The following TUBA1A variants were observed in gnomAD, a reference collection of about 807,000 sequenced individuals.
The protein encoded by TUBA1A is tubulin alpha 1a.
TUBA1A carries 7 observed loss-of-function variants against 34.6 expected under a neutral mutation model. The observed-to-expected ratio is 0.20, with a 90% CI of 0.11 to 0.38. The LOEUF (loss-of-function observed/expected upper bound fraction) is 0.38, where lower values mean the gene tolerates loss of function less well. TUBA1A is among the 10% of genes least tolerant of loss of function. TUBA1A has a pLI of 1.00. For synonymous variants in TUBA1A, 193 were observed against 210.2 expected, an observed-to-expected ratio of 0.92 and a Z score of 0.71; for missense variants, 19 against 581.3, an observed-to-expected ratio of 0.03 and a Z score of 9.95.
chr12:49,188,146 A>T lies in TUBA1A; in HGVS notation c.3+831T>A. 5 of 984,908 alleles carry T rather than the reference A, an allele frequency of 5.1e-6. No homozygotes were observed. The highest frequency in any genetic ancestry group is 6.0e-6 in the Non-Finnish European group (5 of 829,852). The allele number at this position is 984,908 out of a possible 1,614,324, so 61.0% of individuals were successfully genotyped here. A position where few individuals can be genotyped will look rare whatever the true frequency, so the allele number is the denominator to read the frequency against. On this transcript the variant is annotated intron_variant, in intron 1 of 3. Transcript: ENST00000301071. This position sits in a 1 kb window ranked among gnomAD's most constrained non-coding sequence, Gnocchi z 4.9. The stretch of plus-strand genomic sequence containing the variant: ...GGTCAGGGCAGGGCGTCCCCAGACC[A>T]GACATTAAAGAGCTTGTGAAGTGAA...
chr12:49,187,539 A>G (rs1177181870), intron 1 of TUBA1A: 10 of 985,404 alleles, frequency 1.0e-5, no homozygotes, highest in Non-Finnish European at 9.6e-6. Context: ...GATGCACTGG[A>G]ACAAAAGACA....
Position 49,188,030 on chromosome 12 carries a change from A to T in TUBA1A, c.3+947T>A, listed in dbSNP as rs1376621594. The T allele has an allele frequency of 1.0e-6, 1 of 961,612 alleles. No individual in the cohort carries two copies. Among genetic ancestry groups the T allele is most frequent in the Non-Finnish European group, 1.2e-6 (1 of 811,168 alleles). 59.6% of individuals were successfully genotyped at this position (961,612 alleles called of 1,614,324 possible). A position where few individuals can be genotyped will look rare whatever the true frequency, so the allele number is the denominator to read the frequency against. On this transcript the variant is annotated intron_variant, in intron 1 of 3. Transcript: ENST00000301071. The surrounding 1 kb of genome is among the most constrained non-coding windows in gnomAD (Gnocchi z 4.9). ...AGTCCAGACAGACAGACAGACACAC[A>T]CACACACACACACACACTTCAGTCG...
rs1175802950 is a variant in TUBA1A at position 49,188,135 on chromosome 12, G to T, written c.3+842C>A. 3.1e-6 allele frequency: 3 copies of T among 983,212 alleles called. No individual in the cohort carries two copies. The highest frequency in any genetic ancestry group is 3.6e-6 in the Non-Finnish European group (3 of 829,718). The allele number at this position is 983,212 out of a possible 1,614,324, so 60.9% of individuals were successfully genotyped here. ...ACACTTCAGTCGGTCAGGGCAGGGC[G>T]TCCCCAGACCAGACATTAAAGAGCT... is the stretch of plus-strand genomic sequence containing the variant. On this transcript the variant is annotated intron_variant, in intron 1 of 3. Coordinates refer to ENST00000301071, the MANE Select transcript of TUBA1A (RefSeq NM_006009.4). This position sits in a 1 kb window ranked among gnomAD's most constrained non-coding sequence, Gnocchi z 4.9.
chr12:49,184,970 A>G lies in TUBA1A; in HGVS notation c.*40T>C, dbSNP rs1260566998. 1 of 1,614,016 alleles carries G rather than the reference A, an allele frequency of 6.2e-7. No individual in the cohort carries two copies. The highest frequency in any genetic ancestry group is 1.7e-5 in the Admixed American group (1 of 60,016). ...ACTTTTCAATGTTTAAAACAGAATA[A>G]GCTTCCCTGTAAAAGCAGCACCTTT... On this transcript the variant is annotated 3_prime_UTR_variant, in exon 4 of 4. Transcript: ENST00000301071.
At position 49,186,524 on chromosome 12, in the gene TUBA1A, G is replaced by A. The variant is rs774637981; in HGVS notation, c.227-66C>T. ...GAGGGACGAGGAGCGGGGAGGGAGA[G>A]TGGGTGAGTGACCAGCGGAGCCCCC... On this transcript the variant is annotated intron_variant, in intron 2 of 3. Coordinates refer to ENST00000301071, the MANE Select transcript of TUBA1A (RefSeq NM_006009.4). The surrounding 1 kb of genome is among the most constrained non-coding windows in gnomAD (Gnocchi z 6.6). 7 of 1,612,596 alleles carry A rather than the reference G, an allele frequency of 4.3e-6. No homozygotes were observed. In the African/African-American group the frequency reaches 6.7e-5, roughly 15 times the overall value.
At position 49,188,023 on chromosome 12, in the gene TUBA1A, GACACACACAC is replaced by G. The variant is rs58704368; in HGVS notation, c.3+944_3+953del. 3.3e-6 allele frequency: 3 copies of G among 896,370 alleles called. No individual in the cohort carries two copies. The highest frequency in any genetic ancestry group is 1.3e-4 in the East Asian group (1 of 7,698). The allele number at this position is 896,370 out of a possible 1,614,324, so 55.5% of individuals were successfully genotyped here. A position where few individuals can be genotyped will look rare whatever the true frequency, so the allele number is the denominator to read the frequency against. On this transcript the variant is annotated intron_variant, in intron 1 of 3. Transcript: ENST00000301071. The surrounding 1 kb of genome is among the most constrained non-coding windows in gnomAD (Gnocchi z 4.9). ...AACGTGCAGTCCAGACAGACAGACA[GACACACACAC>G]ACACACACACACACTTCAGTCGGTC...
Position 49,188,268 on chromosome 12 carries a change from T to C in TUBA1A, c.3+709A>G. 2.9e-6 allele frequency: 4 copies of C among 1,397,374 alleles called. No homozygotes were observed. Among genetic ancestry groups the C allele is most frequent in the Non-Finnish European group, 3.7e-6 (4 of 1,075,786 alleles). The allele number at this position is 1,397,374 out of a possible 1,614,324, so 86.6% of individuals were successfully genotyped here. A position where few individuals can be genotyped will look rare whatever the true frequency, so the allele number is the denominator to read the frequency against. On this transcript the variant is annotated intron_variant, in intron 1 of 3. Coordinates refer to ENST00000301071, the MANE Select transcript of TUBA1A (RefSeq NM_006009.4). This position sits in a 1 kb window ranked among gnomAD's most constrained non-coding sequence, Gnocchi z 4.9. ...AGTTCCGCAATGATGAAAGGTTTTT[T>C]TGTTTTTTTTTCAGTCAGCTCCTGA...
In TUBA1A at chr12:49,188,576, G is replaced by A. The variant is rs1942212695; in HGVS notation, c.3+401C>T. 1 of 1,468,664 alleles carries A rather than the reference G, an allele frequency of 6.8e-7. No homozygotes were observed. Among genetic ancestry groups the A allele is most frequent in the Non-Finnish European group, 9.0e-7 (1 of 1,112,362 alleles). 91.0% of individuals were successfully genotyped at this position (1,468,664 alleles called of 1,614,324 possible). A position where few individuals can be genotyped will look rare whatever the true frequency, so the allele number is the denominator to read the frequency against. ...CTTTTTGGGTGCCTCCTCCTCTCCC[G>A]GTCCCCAGAGAACAACGCGAGACAG... On this transcript the variant is annotated intron_variant, in intron 1 of 3. Coordinates refer to ENST00000301071, the MANE Select transcript of TUBA1A (RefSeq NM_006009.4). This position sits in a 1 kb window ranked among gnomAD's most constrained non-coding sequence, Gnocchi z 4.9.
chr12:49,187,056 G>T, intron 1 of TUBA1A: 2 of 1,426,138 alleles, frequency 1.4e-6, no homozygotes, highest in Non-Finnish European at 1.8e-6. Context: ...TTCAGCACGT[G>T]GTACCAGCCC....
Position 49,184,914 on chromosome 12 carries a change from T to C in TUBA1A, c.*96A>G. 1.3e-6 allele frequency: 2 copies of C among 1,594,298 alleles called. No individual in the cohort carries two copies. Among genetic ancestry groups the C allele is most frequent in the Non-Finnish European group, 1.7e-6 (2 of 1,163,286 alleles). On this transcript the variant is annotated 3_prime_UTR_variant, in exon 4 of 4. Transcript: ENST00000301071. ...AGTAATTGTATATGAGAGCATACAC[T>C]GCTACATACAAATTAACTGATCAGA...
chr12:49,186,023 A>T lies in TUBA1A; in HGVS notation c.376-33T>A. Reference sequence around the variant, plus strand: ...AAAAGAGAGGAACAGAGGAAAGGTTAAGTTTTTATTCTTTGTAGTACAATC... The same window carrying T: ...AAAAGAGAGGAACAGAGGAAAGGTTTAGTTTTTATTCTTTGTAGTACAATC... On this transcript the variant is annotated intron_variant, in intron 3 of 3. Transcript: ENST00000301071. This position sits in a 1 kb window ranked among gnomAD's most constrained non-coding sequence, Gnocchi z 6.6. 5.6e-6 allele frequency: 9 copies of T among 1,613,824 alleles called. No homozygotes were observed. The South Asian group carries it at 9.9e-5, about 18-fold the overall frequency.
Position 49,188,824 on chromosome 12 carries a change from C to A in TUBA1A, c.3+153G>T, listed in dbSNP as rs1366920596. 23 of 1,600,908 alleles carry A rather than the reference C, an allele frequency of 1.4e-5. No individual in the cohort carries two copies. Among genetic ancestry groups the A allele is most frequent in the Non-Finnish European group, 2.0e-5 (23 of 1,178,552 alleles). On this transcript the variant is annotated intron_variant, in intron 1 of 3. Transcript: ENST00000301071. The surrounding 1 kb of genome is among the most constrained non-coding windows in gnomAD (Gnocchi z 4.9). Reference sequence around the variant, plus strand: ...CACCCGCACTGCGGCGGCGGCGGGGCTTGAGGATTTGGGGCTAAGCTAAAC... The same window carrying A: ...CACCCGCACTGCGGCGGCGGCGGGGATTGAGGATTTGGGGCTAAGCTAAAC...
In TUBA1A at chr12:49,185,553, T is replaced by C; in HGVS notation, c.813A>G (p.Thr271=). ...TCTCAGCAGAGATGACAGGGGCATA[T>C]GTGGCCAGAGGGAAGTGGATGCGGG... ...PYPRIHFPLA[T]YAPVISAEKA... Residue 271 remains threonine, a synonymous_variant, in exon 4 of 4, where the codon ACA becomes ACG. Transcript: ENST00000301071. The C allele has an allele frequency of 6.2e-7, 1 of 1,614,006 alleles. No individual in the cohort carries two copies. The highest frequency in any genetic ancestry group is 8.5e-7 in the Non-Finnish European group (1 of 1,180,002).
In TUBA1A at chr12:49,187,000, T is replaced by G; in HGVS notation, c.4-167A>C. On this transcript the variant is annotated intron_variant, in intron 1 of 3. Coordinates refer to ENST00000301071, the MANE Select transcript of TUBA1A (RefSeq NM_006009.4). The surrounding 1 kb of genome is among the most constrained non-coding windows in gnomAD (Gnocchi z 6.6). The stretch of plus-strand genomic sequence containing the variant: ...ATTAAGGAAAATCACCTGCTACAAA[T>G]GCTGCATATGGGTGTGGTCTGAATA... 6.7e-7 allele frequency: 1 copy of G among 1,485,338 alleles called. No individual in the cohort carries two copies. The highest frequency in any genetic ancestry group is 1.4e-5 in the South Asian group (1 of 72,642). 92.0% of individuals were successfully genotyped at this position (1,485,338 alleles called of 1,614,324 possible). A position where few individuals can be genotyped will look rare whatever the true frequency, so the allele number is the denominator to read the frequency against.
rs1458479217 is a variant in TUBA1A at position 49,188,367 on chromosome 12, C to T, written c.3+610G>A. ...TAGAAGCCAGAAACAAACAACCCCG[C>T]CCCTGCGCCGCCCTGACACCCGCTG... On this transcript the variant is annotated intron_variant, in intron 1 of 3. Transcript: ENST00000301071. This position sits in a 1 kb window ranked among gnomAD's most constrained non-coding sequence, Gnocchi z 4.9. 1 of 1,535,232 alleles carries T rather than the reference C, an allele frequency of 6.5e-7. No individual in the cohort carries two copies.
At position 49,188,507 on chromosome 12, in the gene TUBA1A, C is replaced by T; in HGVS notation, c.3+470G>A. 1 of 1,521,220 alleles carries T rather than the reference C, an allele frequency of 6.6e-7. No homozygotes were observed. Among genetic ancestry groups the T allele is most frequent in the East Asian group, 2.5e-5 (1 of 40,388 alleles). The allele number at this position is 1,521,220 out of a possible 1,614,324, so 94.2% of individuals were successfully genotyped here. ...GCTAACCCTAGGCTGCGCTTTGTTCCCGTTCCCCCTCCCACGTCCCCCAGC... is the reference window on the plus strand; with the variant it reads ...GCTAACCCTAGGCTGCGCTTTGTTCTCGTTCCCCCTCCCACGTCCCCCAGC... On this transcript the variant is annotated intron_variant, in intron 1 of 3. Transcript: ENST00000301071. The surrounding 1 kb of genome is among the most constrained non-coding windows in gnomAD (Gnocchi z 4.9).
chr12:49,188,463 C>T lies in TUBA1A; in HGVS notation c.3+514G>A. ...GGGTATCTTTCCAAAACGCCAAAGA[C>T]CGCGGAGGGTCTTCCCACGCTAACC... is the stretch of plus-strand genomic sequence containing the variant. On this transcript the variant is annotated intron_variant, in intron 1 of 3. Coordinates refer to ENST00000301071, the MANE Select transcript of TUBA1A (RefSeq NM_006009.4). The surrounding 1 kb of genome is among the most constrained non-coding windows in gnomAD (Gnocchi z 4.9). 6.5e-7 allele frequency: 1 copy of T among 1,535,654 alleles called. No homozygotes were observed. Among genetic ancestry groups the T allele is most frequent in the South Asian group, 1.2e-5 (1 of 84,036 alleles).
chr12:49,187,228 G>T (rs1056493499), intron 1 of TUBA1A: 1 of 1,127,448 alleles, frequency 8.9e-7, no homozygotes, highest in Non-Finnish European at 1.1e-6. Context: ...AGTTTCCTCT[G>T]AATAGGACTT....
chr12:49,188,270 GT>G lies in TUBA1A; in HGVS notation c.3+706del, dbSNP rs879662791. 6.8e-5 allele frequency: 93 copies of G among 1,363,754 alleles called. No homozygotes were observed. The highest frequency in any genetic ancestry group is 5.7e-4 in the Middle Eastern group (3 of 5,236). The allele number at this position is 1,363,754 out of a possible 1,614,324, so 84.5% of individuals were successfully genotyped here. ...TTCCGCAATGATGAAAGGTTTTTTT[GT>G]TTTTTTTTCAGTCAGCTCCTGACAG... On this transcript the variant is annotated intron_variant, in intron 1 of 3. Coordinates refer to ENST00000301071, the MANE Select transcript of TUBA1A (RefSeq NM_006009.4). This position sits in a 1 kb window ranked among gnomAD's most constrained non-coding sequence, Gnocchi z 4.9.
Sources: gnomAD v4.1 joint callset for allele counts on GRCh38, gnomAD v4.1.1 for gene constraint, Gnocchi (gnomAD v3.1) non-coding constraint, MANE v1.5 for transcripts, NCBI Gene and HGNC (gene_info 2026-07-23, HGNC 2026-07-21) for gene names.